MPP2: variants seen among roughly 807,000 people sequenced by gnomAD.
The protein encoded by MPP2 is MAGUK p55 subfamily member 2.
A neutral mutation model predicts 58.5 loss-of-function variants in MPP2; 42 were observed. The ratio of observed to expected loss-of-function variants is 0.72; its 90% CI spans 0.56 to 0.93. MPP2 has a LOEUF of 0.93. MPP2 is among the 40% of genes least tolerant of loss of function. MPP2 has a pLI of 0.00. For missense variants in MPP2, 632 were observed against 760.4 expected (o/e 0.83, Z 1.99); for synonymous variants, 300 against 307.8 (o/e 0.97, Z 0.26).
upstream of MPP2, chr17:43,907,726 G>C: frequency 9.1e-6 from 9 of 985,526 alleles, no homozygotes; most frequent in Non-Finnish European, 1.1e-5. Flanking sequence ...ACGACGCCCT[G>C]CTGGAGTCCC....
At chr17:43,893,537 ACT>A (rs2047693309) in intron 3 of MPP2, among the ~76,000 whole-genome samples, 1 of 152,220 alleles carries the variant, frequency 6.6e-6, no homozygotes, top group Non-Finnish European at 1.5e-5. Flanking sequence ...ATGGACCAGT[ACT>A]GATCCGTGGC....
chr17:43,881,497 C>T lies in MPP2; in HGVS notation c.774G>A (p.Leu258=). 1 of 1,614,162 alleles carries T rather than the reference C, an allele frequency of 6.2e-7. No homozygotes were observed. Among genetic ancestry groups the T allele is most frequent in the South Asian group, 1.1e-5 (1 of 91,088 alleles). ...CATCATCCTGGTTTACGATCTGGAG[C>T]AAGTCCCCGGCGTTGAAGCGCAGGC... The part of the protein sequence containing the change: ...EAGLRFNAGD[L]LQIVNQDDAN... Residue 258 remains leucine, a synonymous_variant, in exon 7 of 13, where the codon TTG becomes TTA. Transcript: ENST00000269095.
chr17:43,899,080 T>TA (rs2047976438), intron 2 of MPP2, among the ~76,000 whole-genome samples: 1 of 151,866 alleles, frequency 6.6e-6, no homozygotes, highest in Non-Finnish European at 1.5e-5. Context: ...ACCCTGTCTC[T>TA]ACTAAAAATA....
In MPP2 at chr17:43,889,829, T is replaced by G. The variant is rs1196539319; in HGVS notation, c.151-6474A>C. Among the ~76,000 whole-genome samples, 11 of 118,588 alleles carry G rather than the reference T, an allele frequency of 9.3e-5. No individual in the cohort carries two copies. The East Asian group carries it at 2.9e-3, about 31-fold the overall frequency. The allele number at this position is 118,588 out of a possible 152,430, so 77.8% of individuals were successfully genotyped here. On this transcript the variant is annotated intron_variant, in intron 3 of 12. Transcript: ENST00000269095. ...CGTTTTTTTTTTTGTTTTTTTTTTT[T>G]TGAGACAGAGTCTCACTCTGTTGCC...
In MPP2 at chr17:43,877,586, G is replaced by C. The variant is rs1405605727; in HGVS notation, c.*221C>G. On this transcript the variant is annotated 3_prime_UTR_variant, in exon 13 of 13. Transcript: ENST00000269095. ...ATATCTGGTGACCAATGGGCATCAGGAGTGGGCAGCACCTGGGCACAAGGT... is the reference window on the plus strand; with the variant it reads ...ATATCTGGTGACCAATGGGCATCAGCAGTGGGCAGCACCTGGGCACAAGGT... 5.3e-6 allele frequency: 3 copies of C among 569,690 alleles called. No individual in the cohort carries two copies. The highest frequency in any genetic ancestry group is 3.7e-5 in the African/African-American group (2 of 53,552). The allele number at this position is 569,690 out of a possible 1,614,324, so 35.3% of individuals were successfully genotyped here.
At chr17:43,878,171 T>C (rs946273220) in intron 12 of MPP2, among the ~76,000 whole-genome samples, 188 bp from the exon 13 acceptor site, 6 of 151,684 alleles carry the variant, frequency 4.0e-5, no homozygotes, top group African/African-American at 1.5e-4. Flanking sequence ...AGATGGTGAG[T>C]GAAAGGGAGG....
At chr17:43,904,542 G>T in intron 1 of MPP2, 49 bp from the exon 2 acceptor site, 1 of 1,549,326 alleles carries the variant, frequency 6.5e-7, no homozygotes, top group South Asian at 1.1e-5. Flanking sequence ...CAAAGCAATG[G>T]GGAAGGGAAT....
At chr17:43,898,766 ACCAG>A (rs2047962805) in intron 2 of MPP2, among the ~76,000 whole-genome samples, 4 of 152,234 alleles carry the variant, frequency 2.6e-5, no homozygotes, top group African/African-American at 7.2e-5. Flanking sequence ...GGAGTTCAAG[ACCAG>A]CCTGGGCAAC....
intron 3 of MPP2, among the ~76,000 whole-genome samples, chr17:43,895,251 C>G (rs1299891610): frequency 2.0e-5 from 3 of 151,984 alleles, no homozygotes; most frequent in Non-Finnish European, 4.4e-5. Flanking sequence ...GTAGTTGGGA[C>G]TACAGGTGAA....
chr17:43,895,116 A>AT (rs1555610371), intron 3 of MPP2, among the ~76,000 whole-genome samples: 47 of 150,088 alleles, frequency 3.1e-4, no homozygotes, highest in Admixed American at 1.1e-3. Context: ...TTATTTATTT[A>AT]TTTATTTTTT....
Position 43,877,768 on chromosome 17 carries a change from G to A in MPP2, c.*39C>T. The A allele has an allele frequency of 6.4e-7, 1 of 1,573,944 alleles. No homozygotes were observed. The highest frequency in any genetic ancestry group is 8.7e-7 in the Non-Finnish European group (1 of 1,147,304). On this transcript the variant is annotated 3_prime_UTR_variant, in exon 13 of 13. Coordinates refer to ENST00000269095, the MANE Select transcript of MPP2 (RefSeq NM_005374.5). ...GGAGGGGGATGGATTCAGGTTCTGGGTTTCAACACAGAGTGAGCCAAAGAC... is the reference window on the plus strand; with the variant it reads ...GGAGGGGGATGGATTCAGGTTCTGGATTTCAACACAGAGTGAGCCAAAGAC...
At chr17:43,878,599 T>C (rs1314603724) in intron 12 of MPP2, among the ~76,000 whole-genome samples, 1 of 152,120 alleles carries the variant, frequency 6.6e-6, no homozygotes, top group African/African-American at 2.4e-5. Context: ...CAGGCAAAGG[T>C]CCAGAGCTCC....
At chr17:43,894,043 G>A (rs953219546) in intron 3 of MPP2, among the ~76,000 whole-genome samples, 8 of 151,734 alleles carry the variant, frequency 5.3e-5, no homozygotes, top group Admixed American at 4.6e-4. Context: ...GGGAGGCTGA[G>A]GCAGGCGAAT....
Position 43,882,892 on chromosome 17 carries a change from C to T in MPP2, c.453+11G>A, listed in dbSNP as rs755401856. 3.0e-5 allele frequency: 49 copies of T among 1,613,780 alleles called. No homozygotes were observed. The highest frequency in any genetic ancestry group is 6.7e-5 in the Admixed American group (4 of 60,000). On this transcript the variant is annotated intron_variant, in intron 5 of 12. Coordinates refer to ENST00000269095, the MANE Select transcript of MPP2 (RefSeq NM_005374.5). ...TCACCAGCACCACCTCTGGCCCTGC[C>T]CAGTCCTCACCAGATGTTCTCCGGC... is the stretch of plus-strand genomic sequence containing the variant.
rs56196501 is a variant in MPP2 at position 43,881,215 on chromosome 17, G to C, written c.919+29C>G. 6.9e-5 allele frequency: 111 copies of C among 1,613,450 alleles called. No individual in the cohort carries two copies. The East Asian group carries it at 2.1e-3, about 30-fold the overall frequency. On this transcript the variant is annotated intron_variant, in intron 8 of 12. Transcript: ENST00000269095. Reference sequence around the variant, plus strand: ...ACAGGGCCCTGTTGGATCCCAGATTGGAGGTGTGGGGTAGGGGGGACCTCC... The same window carrying C: ...ACAGGGCCCTGTTGGATCCCAGATTCGAGGTGTGGGGTAGGGGGGACCTCC...
chr17:43,898,971 C>T (rs912740442), intron 2 of MPP2, among the ~76,000 whole-genome samples: 2 of 150,398 alleles, frequency 1.3e-5, no homozygotes, highest in African/African-American at 2.5e-5. Flanking sequence ...TCTGGCCGGG[C>T]GCGGTGGCTC....
chr17:43,892,187 T>C (rs1277702195), intron 3 of MPP2, among the ~76,000 whole-genome samples: 1 of 152,194 alleles, frequency 6.6e-6, no homozygotes, highest in Admixed American at 6.5e-5. Flanking sequence ...GTCCCAGATC[T>C]ACCCAGCCTG....
chr17:43,879,471 T>G lies in MPP2; in HGVS notation c.1354-68A>C. ...TGTCCTAGGAACCAGAGAAAGGCTG[T>G]GAGGGTAACTGGGGTTGGGGTGAGC... On this transcript the variant is annotated intron_variant, in intron 11 of 12. Transcript: ENST00000269095. This position sits in a 1 kb window ranked among gnomAD's most constrained non-coding sequence, Gnocchi z 4.1. 1 of 1,589,406 alleles carries G rather than the reference T, an allele frequency of 6.3e-7. No individual in the cohort carries two copies. Among genetic ancestry groups the G allele is most frequent in the Non-Finnish European group, 8.6e-7 (1 of 1,162,704 alleles).
chr17:43,881,404 C>T, intron 7 of MPP2, 54 bp downstream of exon 7: 2 of 1,613,906 alleles, frequency 1.2e-6, no homozygotes, highest in Non-Finnish European at 1.7e-6. Context: ...CTCCCTGTGC[C>T]CTCGCCCTCC....
Sources: gnomAD v4.1 joint callset for allele counts (sites outside exome capture counted in the v4.1 genomes callset) on GRCh38, gnomAD v4.1.1 for gene constraint, Gnocchi (gnomAD v3.1) non-coding constraint, MANE v1.5 for transcripts, NCBI Gene and HGNC (gene_info 2026-07-23, HGNC 2026-07-21) for gene names.